The following ZNF385D variants were observed in gnomAD, a reference collection of about 807,000 sequenced individuals.
ZNF385D encodes the protein zinc finger protein 659.
In ZNF385D, 15 loss-of-function variants were observed where a neutral mutation model predicts 35.8. That is an observed-to-expected ratio of 0.42 (90% confidence interval 0.28 to 0.64). ZNF385D has a LOEUF of 0.64. Ranked by LOEUF, ZNF385D falls within the 30% of genes least tolerant of loss-of-function variation. The probability of loss-of-function intolerance (pLI) is 0.23; values close to 1 mark genes in which losing one functional copy is unlikely to be tolerated. For missense variants in ZNF385D, 474 were observed against 494.6 expected (o/e 0.96, Z 0.39); for synonymous variants, 212 against 186.8 (o/e 1.13, Z -1.10).
At chr3:21,641,690 G>T (rs924894058) in intron 2 of ZNF385D, among the ~76,000 whole-genome samples, 3 of 123,478 alleles carry the variant, frequency 2.4e-5, no homozygotes, top group African/African-American at 9.2e-5. Flanking sequence ...TGCCCAGATT[G>T]ATCTTGAACT....
At position 22,123,962 on chromosome 3, in the gene ZNF385D, C is replaced by CTATA. The variant is rs71044974; in HGVS notation, c.325+44851_325+44854dup. Reference sequence around the variant, plus strand: ...TCTCTCTCTCTCTCTCTCTCTCTCTCTATATATATATATATATATATATAT... The same window carrying CTATA: ...TCTCTCTCTCTCTCTCTCTCTCTCTCTATATATATATATATATATATATATATAT... On this transcript the variant is annotated intron_variant, in intron 3 of 5. Transcript: ENST00000494108. Among the ~76,000 whole-genome samples the CTATA allele has an allele frequency of 1.9e-3, 120 of 61,830 alleles. 3 individuals carry two copies. Among genetic ancestry groups the CTATA allele is most frequent in the South Asian group, 6.9e-3 (10 of 1,452 alleles). 40.6% of individuals were successfully genotyped at this position (61,830 alleles called of 152,430 possible). A position where few individuals can be genotyped will look rare whatever the true frequency, so the allele number is the denominator to read the frequency against.
At chr3:22,289,002 G>A (rs758601159) in intron 2 of ZNF385D, among the ~76,000 whole-genome samples, 16 of 152,234 alleles carry the variant, frequency 1.1e-4, no homozygotes, top group South Asian at 6.2e-4. Flanking sequence ...GAATGGGTAA[G>A]CTAGAAGCCA....
chr3:21,974,442 T>G (rs1239592067), intron 3 of ZNF385D, among the ~76,000 whole-genome samples: 3 of 152,036 alleles, frequency 2.0e-5, no homozygotes, highest in African/African-American at 4.8e-5. Flanking sequence ...ATTAAACACT[T>G]AAATCTAAGA....
At chr3:21,760,831 G>A (rs764143802) in intron 3 of ZNF385D, among the ~76,000 whole-genome samples, 8 of 152,098 alleles carry the variant, frequency 5.3e-5, no homozygotes, top group Non-Finnish European at 1.0e-4. Flanking sequence ...TCCTCTCTGT[G>A]AGTCATATTT....
chr3:21,970,103 G>A (rs759723920), intron 3 of ZNF385D, among the ~76,000 whole-genome samples: 1 of 152,100 alleles, frequency 6.6e-6, no homozygotes, highest in Non-Finnish European at 1.5e-5. Context: ...AAGAAGGACA[G>A]GTACAAACAA....
chr3:21,575,120 A>G (rs2063457881), intron 2 of ZNF385D, among the ~76,000 whole-genome samples: 2 of 152,334 alleles, frequency 1.3e-5, no homozygotes, highest in African/African-American at 4.8e-5. Context: ...AGTTCTTTAC[A>G]GATACGTAAA....
intron 1 of ZNF385D, among the ~76,000 whole-genome samples, chr3:21,683,044 C>T (rs2066967261): frequency 6.7e-6 from 1 of 149,880 alleles, no homozygotes; most frequent in African/African-American, 2.5e-5. Flanking sequence ...CCTACCCCTA[C>T]TTCAAGTTTT....
In ZNF385D at chr3:21,904,133, A is replaced by T. The variant is rs113997455; in HGVS notation, c.326-239105T>A. Among the ~76,000 whole-genome samples the T allele has an allele frequency of 7.0e-3, 1,059 of 151,886 alleles. 11 individuals carry two copies. Among genetic ancestry groups the T allele is most frequent in the African/African-American group, 0.024 (995 of 41,442 alleles). On this transcript the variant is annotated intron_variant, in intron 3 of 5. Transcript: ENST00000494108. ...TCCTGGACAACATGGTTGAAATCCCATCTCTACTAAAAACACAAAAATTAG... is the reference window on the plus strand; with the variant it reads ...TCCTGGACAACATGGTTGAAATCCCTTCTCTACTAAAAACACAAAAATTAG...
chr3:21,719,496 T>A (rs921979311), intron 1 of ZNF385D, among the ~76,000 whole-genome samples: 1 of 152,192 alleles, frequency 6.6e-6, no homozygotes, highest in Non-Finnish European at 1.5e-5. Flanking sequence ...GCACGCGCAC[T>A]TTAATTTTAC....
At chr3:22,094,128 C>T (rs916747234) in intron 3 of ZNF385D, among the ~76,000 whole-genome samples, 11 of 151,956 alleles carry the variant, frequency 7.2e-5, no homozygotes, top group African/African-American at 2.7e-4. Flanking sequence ...AAATACGTGT[C>T]ATTGCTTTAA....
intron 1 of ZNF385D, among the ~76,000 whole-genome samples, chr3:21,713,204 G>T (rs1391854728): frequency 6.6e-6 from 1 of 152,174 alleles, no homozygotes; most frequent in Non-Finnish European, 1.5e-5. Flanking sequence ...CAAAGGAAGT[G>T]CAAAGAACAA....
intron 2 of ZNF385D, among the ~76,000 whole-genome samples, chr3:22,307,520 G>T (rs1386222291): frequency 6.6e-6 from 1 of 152,108 alleles, no homozygotes; most frequent in Non-Finnish European, 1.5e-5. Context: ...GTACTTGTGT[G>T]TGTGCACACG....
In ZNF385D at chr3:21,413,569, T is replaced by C. The variant is rs145602120; in HGVS notation, c.*7645A>G. ...CAAATGAGGTATTCTTGTTAGCAGG[T>C]AAAACCTTATATGATCCTTTGCCAA... On this transcript the variant is annotated 3_prime_UTR_variant, in exon 8 of 8. Coordinates refer to ENST00000281523, the MANE Select transcript of ZNF385D (RefSeq NM_024697.3). 2.6e-5 allele frequency: 4 copies of C among 151,924 alleles called. No individual in the cohort carries two copies. The East Asian group carries it at 7.8e-4, about 29-fold the overall frequency. The allele number at this position is 151,924 out of a possible 1,614,324, so 9.4% of individuals were successfully genotyped here.
intron 4 of ZNF385D, among the ~76,000 whole-genome samples, chr3:21,464,052 C>G (rs1400725147): frequency 6.6e-6 from 1 of 152,084 alleles, no homozygotes; most frequent in South Asian, 2.1e-4. Context: ...TTGGCTTAAC[C>G]AAAGGAAGCA....
chr3:22,320,447 G>T (rs1494224), intron 2 of ZNF385D, among the ~76,000 whole-genome samples: 2,383 of 151,416 alleles, frequency 0.016, 108 homozygotes, highest in East Asian at 0.094. Flanking sequence ...TTGTGGTCTG[G>T]CAGTACTCAC....
chr3:22,019,034 C>CT (rs11380195), intron 3 of ZNF385D, among the ~76,000 whole-genome samples: 5,532 of 64,034 alleles, frequency 0.086, 925 homozygotes, highest in African/African-American at 0.16. Context: ...AGTTATTTAC[C>CT]TTTTTTTTTT....
chr3:22,032,609 G>A (rs1339293834), intron 3 of ZNF385D, among the ~76,000 whole-genome samples: 1 of 152,110 alleles, frequency 6.6e-6, no homozygotes, highest in Non-Finnish European at 1.5e-5. Flanking sequence ...AGTAACAGAG[G>A]TGACTTTCTT....
At chr3:22,000,623 CAA>C (rs1695780038) in intron 3 of ZNF385D, among the ~76,000 whole-genome samples, 1 of 151,450 alleles carries the variant, frequency 6.6e-6, no homozygotes. Context: ...AAATCAAAGA[CAA>C]AGAGAGAATT....
Position 21,777,381 on chromosome 3 carries a change from G to C in ZNF385D, c.326-112353C>G, listed in dbSNP as rs547500507. ...CCTAAATGCCCTCTCTCTCTACCGA[G>C]GTTGGGGCAGGATGGTGAGAGGAGA... On this transcript the variant is annotated intron_variant, in intron 3 of 5. Coordinates refer to the ZNF385D transcript ENST00000494108. 2.0e-5 allele frequency among the ~76,000 whole-genome samples: 3 copies of C among 151,986 alleles called. No homozygotes were observed. The East Asian group carries it at 5.8e-4, about 30-fold the overall frequency.
Sources: allele counts gnomAD v4.1 joint callset (sites outside exome capture counted in the v4.1 genomes callset), GRCh38; gene constraint gnomAD v4.1.1; transcripts MANE v1.5; gene names NCBI Gene and HGNC (gene_info 2026-07-23, HGNC 2026-07-21).